Variants in DENND1A observed in about 807,000 individuals in gnomAD.
The protein encoded by DENND1A is DENN domain-containing protein 1A.
Under a neutral mutation model 113.7 loss-of-function variants are expected in DENND1A, and 51 were observed. The observed-to-expected ratio is 0.45, with a 90% confidence interval of 0.36 to 0.57. The LOEUF is 0.57. DENND1A is among the 20% of genes least tolerant of loss of function. DENND1A has a pLI of 0.00. For missense variants in DENND1A, 1,258 were observed against 1,395.9 expected, an observed-to-expected ratio of 0.90 and a Z score of 1.57; for synonymous variants, 565 against 570.8, an observed-to-expected ratio of 0.99 and a Z score of 0.14.
At chr9:123,390,814 C>A (rs190283753) in intron 21 of DENND1A, among the ~76,000 whole-genome samples, 8 of 152,374 alleles carry the variant, frequency 5.3e-5, no homozygotes, top group Admixed American at 2.0e-4. Context: ...CCGGCTCGGG[C>A]CAAATGGAGG....
intron 2 of DENND1A, among the ~76,000 whole-genome samples, chr9:123,874,413 A>T (rs990834480): frequency 2.6e-5 from 4 of 152,112 alleles, no homozygotes; most frequent in Non-Finnish European, 5.9e-5. Context: ...AAGGTAGAAA[A>T]CTCAATTTTA....
chr9:123,750,051 C>T (rs1449816176), intron 5 of DENND1A, among the ~76,000 whole-genome samples: 2 of 152,218 alleles, frequency 1.3e-5, no homozygotes, highest in African/African-American at 4.8e-5. Flanking sequence ...AAGGGAGCTT[C>T]CTCCTGCAGT....
chr9:123,835,553 C>A (rs1314063814), intron 2 of DENND1A, among the ~76,000 whole-genome samples: 1 of 151,590 alleles, frequency 6.6e-6, no homozygotes, highest in Admixed American at 6.6e-5. Flanking sequence ...TTTCAAAAAT[C>A]AAAGGATCCT....
chr9:123,859,715 C>T (rs999427016), intron 2 of DENND1A, among the ~76,000 whole-genome samples: 2 of 152,110 alleles, frequency 1.3e-5, no homozygotes, highest in African/African-American at 4.8e-5. Flanking sequence ...AAGCCATCAT[C>T]ATTAGATTCC....
At chr9:123,567,430 AT>A (rs138896595) in intron 12 of DENND1A, among the ~76,000 whole-genome samples, 4 of 151,958 alleles carry the variant, frequency 2.6e-5, no homozygotes, top group Non-Finnish European at 4.4e-5. Context: ...ACATCCACCA[AT>A]TTTTTTTTAA....
Position 123,381,300 on chromosome 9 carries a change from G to T in DENND1A, c.*132C>A. 1 of 811,960 alleles carries T rather than the reference G, an allele frequency of 1.2e-6. No individual in the cohort carries two copies. The allele number at this position is 811,960 out of a possible 1,614,324, so 50.3% of individuals were successfully genotyped here. ...ATGGGCAGTGTGGAGGGGAGGAGGGGGCAGCAGAGAGGGGTCCCATCCCTT... is the reference window on the plus strand; with the variant it reads ...ATGGGCAGTGTGGAGGGGAGGAGGGTGCAGCAGAGAGGGGTCCCATCCCTT... On this transcript the variant is annotated 3_prime_UTR_variant, in exon 24 of 24. Coordinates refer to ENST00000394215, the MANE Select transcript of DENND1A (RefSeq NM_001352964.2). The surrounding 1 kb of genome is among the most constrained non-coding windows in gnomAD (Gnocchi z 4.7).
At chr9:123,389,552 A>C (rs748861771) in intron 21 of DENND1A, among the ~76,000 whole-genome samples, 26 of 152,264 alleles carry the variant, frequency 1.7e-4, no homozygotes, top group Non-Finnish European at 3.4e-4. Context: ...CAAAGAAGAC[A>C]GAGCAGAAAG....
Position 123,528,647 on chromosome 9 carries a change from T to C in DENND1A, c.993+28923A>G, listed in dbSNP as rs539817202. Among the ~76,000 whole-genome samples, 3 of 152,332 alleles carry C rather than the reference T, an allele frequency of 2.0e-5. No homozygotes were observed. The East Asian group carries it at 5.8e-4, about 29-fold the overall frequency. On this transcript the variant is annotated intron_variant, in intron 13 of 23. Transcript: ENST00000394215. The stretch of plus-strand genomic sequence containing the variant: ...ATGCCCTTCTCACTGGCCTCTGCCA[T>C]GCTGTCATCTTCCAACCAGCTTCCT...
chr9:123,555,603 T>C (rs10986050), intron 13 of DENND1A, among the ~76,000 whole-genome samples: 9,223 of 152,290 alleles, frequency 0.061, 389 homozygotes, highest in South Asian at 0.098. Context: ...TATGGCTCAA[T>C]TGATCCTCAG....
chr9:123,523,167 C>T (rs2054531194), intron 13 of DENND1A, among the ~76,000 whole-genome samples: 1 of 152,134 alleles, frequency 6.6e-6, no homozygotes, highest in Non-Finnish European at 1.5e-5. Flanking sequence ...AGAGTGTTGC[C>T]TCCGATCAGT....
At chr9:123,587,151 GGTTA>G (rs1209513814) in intron 11 of DENND1A, among the ~76,000 whole-genome samples, 5 of 152,108 alleles carry the variant, frequency 3.3e-5, no homozygotes, top group African/African-American at 9.6e-5. Flanking sequence ...GGCGGGGGTA[GGTTA>G]GTGAGGGATT....
intron 4 of DENND1A, among the ~76,000 whole-genome samples, chr9:123,766,280 C>T (rs981475543): frequency 6.6e-6 from 1 of 152,178 alleles, no homozygotes; most frequent in Non-Finnish European, 1.5e-5. Context: ...TCTTCTCTAA[C>T]CTCACTATCC....
chr9:123,593,884 TTGC>T (rs778523424), intron 11 of DENND1A, among the ~76,000 whole-genome samples: 8 of 152,098 alleles, frequency 5.3e-5, no homozygotes, highest in Non-Finnish European at 8.8e-5. Flanking sequence ...AATTTCCCCC[TTGC>T]TGTTCTTGTG....
intron 2 of DENND1A, among the ~76,000 whole-genome samples, chr9:123,805,273 G>A (rs1369600552): frequency 6.6e-6 from 1 of 152,050 alleles, no homozygotes; most frequent in Non-Finnish European, 1.5e-5. Context: ...TATACAGGTA[G>A]AGTAGCTTCT....
rs752823054 is a variant in DENND1A at position 123,387,905 on chromosome 9, G to A, written c.1632-47C>T. 1.1e-5 allele frequency: 14 copies of A among 1,279,566 alleles called. No homozygotes were observed. The Admixed American group carries it at 1.4e-4, about 13-fold the overall frequency. 79.3% of individuals were successfully genotyped at this position (1,279,566 alleles called of 1,614,324 possible). On this transcript the variant is annotated intron_variant, in intron 21 of 23. Coordinates refer to ENST00000394215, the MANE Select transcript of DENND1A (RefSeq NM_001352964.2). ...GAGAAGAGAACAGGCAGTTAGGGGC[G>A]CCCTCAGAACTTCACGTGCAGGCGG...
At chr9:123,816,780 T>C (rs1366582535) in intron 2 of DENND1A, among the ~76,000 whole-genome samples, 2 of 152,204 alleles carry the variant, frequency 1.3e-5, no homozygotes, top group African/African-American at 4.8e-5. Flanking sequence ...TTCTTTAGAA[T>C]TCATAAAGTC....
intron 12 of DENND1A, among the ~76,000 whole-genome samples, chr9:123,574,222 T>C (rs2058515318): frequency 6.7e-6 from 1 of 150,316 alleles, no homozygotes; most frequent in African/African-American, 2.4e-5. Flanking sequence ...GTTTTCAAGT[T>C]GGGGTAAAGC....
intron 13 of DENND1A, among the ~76,000 whole-genome samples, chr9:123,459,638 G>A (rs539866420): frequency 1.3e-5 from 2 of 151,990 alleles, no homozygotes; most frequent in African/African-American, 2.4e-5. Flanking sequence ...TAATTTCAGC[G>A]GTGTATTCTC....
At chr9:123,842,895 G>A (rs1402868035) in intron 2 of DENND1A, 1 of 267,454 alleles carries the variant, frequency 3.7e-6, no homozygotes, top group Non-Finnish European at 7.4e-6. Context: ...TACACACCAT[G>A]ACCAAGTGAG....
Sources: gnomAD v4.1 joint callset for allele counts (sites outside exome capture counted in the v4.1 genomes callset) on GRCh38, gnomAD v4.1.1 for gene constraint, Gnocchi (gnomAD v3.1) non-coding constraint, MANE v1.5 for transcripts, NCBI Gene and HGNC (gene_info 2026-07-23, HGNC 2026-07-21) for gene names.